Variants in MYL10 observed in about 807,000 individuals in gnomAD.
MYL10 encodes the protein myosin regulatory light chain 10.
MYL10 carries 18 observed loss-of-function variants against 21.9 expected under a neutral mutation model. The ratio of observed to expected loss-of-function variants is 0.82; its 90% CI spans 0.57 to 1.22. MYL10 has a LOEUF of 1.22. Ranked by LOEUF, MYL10 falls within the 50% of genes most tolerant of loss-of-function variation. The probability of loss-of-function intolerance (pLI) is 0.00; values close to 1 mark genes in which losing one functional copy is unlikely to be tolerated. For missense variants in MYL10, 225 were observed against 230.4 expected (o/e 0.98, Z 0.15); for synonymous variants, 88 against 82.8 (o/e 1.06, Z -0.34).
chr7:101,617,431 A>G (rs1796621392), intron 5 of MYL10, among the ~76,000 whole-genome samples: 2 of 152,234 alleles, frequency 1.3e-5, no homozygotes, highest in African/African-American at 4.8e-5. Flanking sequence ...GAGATGTTTC[A>G]TTACTTGCCC....
At chr7:101,627,983 G>A (rs1352446621) in intron 1 of MYL10, among the ~76,000 whole-genome samples, 1 of 152,168 alleles carries the variant, frequency 6.6e-6, no homozygotes, top group Non-Finnish European at 1.5e-5. Flanking sequence ...TAGGAATAGG[G>A]GGGAGTGTAT....
chr7:101,617,557 T>A (rs1405281057), intron 5 of MYL10, among the ~76,000 whole-genome samples: 1 of 152,248 alleles, frequency 6.6e-6, no homozygotes, highest in South Asian at 2.1e-4. Context: ...GCCAGGGCCA[T>A]GTGCCTCCCT....
intron 1 of MYL10, among the ~76,000 whole-genome samples, 161 bp downstream of exon 1, chr7:101,628,880 A>G (rs1218403523): frequency 6.6e-6 from 1 of 152,258 alleles, no homozygotes; most frequent in African/African-American, 2.4e-5. Flanking sequence ...AAGAGCAGCT[A>G]ATATACAACA....
intron 4 of MYL10, 70 bp from the exon 5 acceptor site, chr7:101,622,270 A>G (rs1268737469): frequency 1.6e-6 from 2 of 1,214,658 alleles, no homozygotes; most frequent in Non-Finnish European, 2.3e-6. Flanking sequence ...AGGATCCCAC[A>G]AAGCCTCCCC....
intron 1 of MYL10, among the ~76,000 whole-genome samples, chr7:101,627,876 T>A (rs1796765592): frequency 6.6e-6 from 1 of 152,206 alleles, no homozygotes; most frequent in Admixed American, 6.5e-5. Flanking sequence ...GGGCCACCCA[T>A]GCTGGCTGGG....
chr7:101,615,798 G>A (rs573776028), intron 6 of MYL10, among the ~76,000 whole-genome samples: 10 of 149,706 alleles, frequency 6.7e-5, no homozygotes, highest in East Asian at 2.0e-4. Flanking sequence ...GGGTTCGAGC[G>A]ATTCTCCTGC....
At chr7:101,616,581 G>A (rs947456148) in intron 5 of MYL10, among the ~76,000 whole-genome samples, 3 of 152,232 alleles carry the variant, frequency 2.0e-5, no homozygotes, top group Non-Finnish European at 2.9e-5. Flanking sequence ...GACCCTGATT[G>A]AGCATTTAAT....
Position 101,629,119 on chromosome 7 carries a change from G to A in MYL10, c.-1C>T. On this transcript the variant is annotated 5_prime_UTR_variant, in exon 1 of 8. Transcript: ENST00000223167. ...AGTTTGAGACCAGCCTAAGCAACAT[G>A]GTGAAACTCTGTTTCTACAAAAAAA... 2.9e-6 allele frequency: 1 copy of A among 350,218 alleles called. No individual in the cohort carries two copies. The highest frequency in any genetic ancestry group is 5.6e-6 in the Non-Finnish European group (1 of 177,986). 21.7% of individuals were successfully genotyped at this position (350,218 alleles called of 1,614,324 possible).
rs755066811 is a variant in MYL10 at position 101,624,217 on chromosome 7, G to A, written c.126C>T (p.Asn42=). ...GGGACTGATCAAACATGGAGAAGAC[G>A]TTGGAGCTGGCGGTGCCTTCTGCTC... The part of the protein sequence containing the change: ...RKRAEGTASS[N]VFSMFDQSQI... Residue 42 remains asparagine, a synonymous_variant, in exon 2 of 8, where the codon AAC becomes AAT. Coordinates refer to ENST00000223167, the MANE Select transcript of MYL10 (RefSeq NM_138403.5). The A allele has an allele frequency of 2.2e-5, 36 of 1,613,744 alleles. No homozygotes were observed. Among genetic ancestry groups the A allele is most frequent in the South Asian group, 7.7e-5 (7 of 91,074 alleles).
chr7:101,613,401 TG>T lies in MYL10; in HGVS notation c.*73del. 1 of 1,273,518 alleles carries T rather than the reference TG, an allele frequency of 7.9e-7. No homozygotes were observed. Among genetic ancestry groups the T allele is most frequent in the Non-Finnish European group, 1.1e-6 (1 of 875,478 alleles). 78.9% of individuals were successfully genotyped at this position (1,273,518 alleles called of 1,614,324 possible). A position where few individuals can be genotyped will look rare whatever the true frequency, so the allele number is the denominator to read the frequency against. ...AGGGAAGCCTTTTTCCTGCAGCCTC[TG>T]GCTGCAAGAGCTCCCTGTCACACCC... On this transcript the variant is annotated 3_prime_UTR_variant, in exon 8 of 8. Transcript: ENST00000223167.
chr7:101,628,905 ATGTCTTAAAACACG>A (rs1796776673), intron 1 of MYL10, 122 bp downstream of exon 1: 1 of 371,316 alleles, frequency 2.7e-6, no homozygotes, highest in Admixed American at 3.5e-5. Flanking sequence ...AGGTCAGGCC[ATGTCTTAAAACACG>A]TGTCCTCACA....
rs774941006 is a variant in MYL10 at position 101,623,027 on chromosome 7, C to T, written c.319G>A (p.Glu107Lys). ...DQNRDGFIDK[E>K]DLRDTFAALG... ...GCGGCAAAGGTGTCCCTCAAGTCCT[C>T]TTTGTCGATGAAGCCATCACGGTTC... The change falls in exon 4 of 8, where the codon GAG (glutamate) becomes AAG (lysine). Residue 107 changes from glutamate (E) to lysine (K), a missense_variant. By Grantham distance (56) the Glu-to-Lys change is moderately conservative. Transcript: ENST00000223167. The T allele has an allele frequency of 1.7e-5, 27 of 1,614,128 alleles. No homozygotes were observed. Among genetic ancestry groups the T allele is most frequent in the Non-Finnish European group, 2.3e-5 (27 of 1,180,028 alleles).
intron 1 of MYL10, among the ~76,000 whole-genome samples, chr7:101,626,454 C>T (rs188258763): frequency 1.3e-5 from 2 of 152,204 alleles, no homozygotes; most frequent in South Asian, 2.1e-4. Context: ...GGTGACAAGC[C>T]GAGGCTGACA....
Position 101,624,260 on chromosome 7 carries a change from G to A in MYL10, c.83C>T (p.Pro28Leu), listed in dbSNP as rs752787093. 21 of 1,612,248 alleles carry A rather than the reference G, an allele frequency of 1.3e-5. No individual in the cohort carries two copies. Among genetic ancestry groups the A allele is most frequent in the Middle Eastern group, 3.3e-4 (2 of 6,018 alleles). The change falls in exon 2 of 8, where the codon CCG (proline) becomes CTG (leucine). Residue 28 changes from proline to leucine, a missense_variant. Transcript: ENST00000223167. ...RPPKVLGLQA[P>L]RRARKRAEGT... ...TTCTGCTCTTTTCCGAGCTCTTCTC[G>A]GTGCCTGCGAGGTAGCAGACAAGGC...
At chr7:101,624,406 C>T in intron 1 of MYL10, 142 bp from the exon 2 acceptor site, 1 of 607,634 alleles carries the variant, frequency 1.6e-6, no homozygotes. Context: ...GACAAGGCTA[C>T]CCCTGAAGCC....
At chr7:101,620,988 C>T (rs1174922053) in intron 5 of MYL10, among the ~76,000 whole-genome samples, 3 of 151,950 alleles carry the variant, frequency 2.0e-5, no homozygotes, top group African/African-American at 7.3e-5. Context: ...AGTGTTTCGC[C>T]ATGTTAGTCA....
At chr7:101,621,790 C>T (rs1362084091) in intron 5 of MYL10, among the ~76,000 whole-genome samples, 1 of 152,094 alleles carries the variant, frequency 6.6e-6, no homozygotes, top group Non-Finnish European at 1.5e-5. Flanking sequence ...TTCATTATAT[C>T]ACCCAGGCTG....
intron 4 of MYL10, 47 bp downstream of exon 4, chr7:101,622,950 G>T: frequency 6.3e-7 from 1 of 1,584,556 alleles, no homozygotes. Flanking sequence ...CGCCCACTCT[G>T]TCTGGCTGGC....
chr7:101,614,825 C>A (rs977312701), intron 6 of MYL10, among the ~76,000 whole-genome samples: 1 of 152,122 alleles, frequency 6.6e-6, no homozygotes, highest in African/African-American at 2.4e-5. Context: ...CTTTGAGATG[C>A]GAGAATCTCA....
Sources: gnomAD v4.1 joint callset for allele counts (sites outside exome capture counted in the v4.1 genomes callset) on GRCh38, gnomAD v4.1.1 for gene constraint, MANE v1.5 for transcripts, NCBI Gene and HGNC (gene_info 2026-07-23, HGNC 2026-07-21) for gene names.